SFMBT1: variants seen among roughly 807,000 people sequenced by gnomAD.
The protein encoded by SFMBT1 is scm-like with four MBT domains protein 1.
In SFMBT1, 32 loss-of-function variants were observed where a neutral mutation model predicts 108.7. That is an observed-to-expected ratio of 0.29 (90% CI 0.22 to 0.40). SFMBT1 has a LOEUF of 0.40. Among genes scored for constraint, SFMBT1 ranks in the 10% least tolerant of loss-of-function variants. SFMBT1 has a pLI of 1.00. For missense variants in SFMBT1, 816 were observed against 1,059.6 expected (o/e 0.77, Z 3.19); for synonymous variants, 348 against 369.5 (o/e 0.94, Z 0.67).
chr3:53,015,555 G>C (rs1003122548), intron 1 of SFMBT1, among the ~76,000 whole-genome samples: 1 of 152,120 alleles, frequency 6.6e-6, no homozygotes, highest in Admixed American at 6.6e-5. Flanking sequence ...CTGATGAGTA[G>C]ATAAATAAGA....
chr3:52,945,460 T>C (rs1388436788), intron 3 of SFMBT1, among the ~76,000 whole-genome samples: 1 of 151,000 alleles, frequency 6.6e-6, no homozygotes, highest in African/African-American at 2.4e-5. Flanking sequence ...TTAATAAATA[T>C]TGAAAAAAAA....
At chr3:52,966,336 A>AAAAAAAT (rs1214815068) in intron 2 of SFMBT1, among the ~76,000 whole-genome samples, 1 of 97,758 alleles carries the variant, frequency 1.0e-5, no homozygotes, top group African/African-American at 4.0e-5. Flanking sequence ...AGAAAAAAAA[A>AAAAAAAT]AGGACTAAAG....
rs1232246363 is a variant in SFMBT1, at chr3:52,996,346, G to A, written c.-130-27088C>T. On this transcript the variant is annotated intron_variant, in intron 1 of 20. Coordinates refer to ENST00000394752, the MANE Select transcript of SFMBT1 (RefSeq NM_016329.4). Reference sequence around the variant, plus strand: ...CCTGCCTCAGACCTGCCAAGTAGCTGGGACTACAGGCGCACGCCACCACAC... The same window carrying A: ...CCTGCCTCAGACCTGCCAAGTAGCTAGGACTACAGGCGCACGCCACCACAC... Among the ~76,000 whole-genome samples, 4 of 147,264 alleles carry A rather than the reference G, an allele frequency of 2.7e-5. 1 individual carries two copies. Among genetic ancestry groups the A allele is most frequent in the South Asian group, 4.3e-4 (2 of 4,640 alleles).
intron 1 of SFMBT1, among the ~76,000 whole-genome samples, chr3:52,973,003 C>G (rs924312322): frequency 6.6e-6 from 1 of 152,114 alleles, no homozygotes; most frequent in African/African-American, 2.4e-5. Flanking sequence ...GCATGGGTGA[C>G]AGAGCGAGAC....
intron 1 of SFMBT1, among the ~76,000 whole-genome samples, chr3:53,001,966 CACACACAT>C (rs1168915230): frequency 9.6e-5 from 14 of 146,028 alleles, no homozygotes; most frequent in South Asian, 9.0e-4. Flanking sequence ...CACACACACA[CACACACAT>C]AAATGAAAGA....
At chr3:52,929,303 A>C (rs1392791943) in intron 8 of SFMBT1, among the ~76,000 whole-genome samples, 1 of 152,114 alleles carries the variant, frequency 6.6e-6, no homozygotes, top group Non-Finnish European at 1.5e-5. Context: ...GCAATGGCAC[A>C]ATCTTGGCTC....
At chr3:52,927,954 T>A (rs1559513485) in intron 9 of SFMBT1, among the ~76,000 whole-genome samples, 1 of 152,194 alleles carries the variant, frequency 6.6e-6, no homozygotes, top group Non-Finnish European at 1.5e-5. Flanking sequence ...GACATAGATA[T>A]CAAAGTCAGA....
intron 2 of SFMBT1, among the ~76,000 whole-genome samples, chr3:52,958,299 C>T (rs1703846563): frequency 6.6e-6 from 1 of 152,052 alleles, no homozygotes; most frequent in African/African-American, 2.4e-5. Context: ...TATTAAAAAG[C>T]CAAGAAACAG....
At chr3:52,940,050 T>G (rs1703134184) in intron 4 of SFMBT1, among the ~76,000 whole-genome samples, 1 of 152,222 alleles carries the variant, frequency 6.6e-6, no homozygotes, top group Non-Finnish European at 1.5e-5. Flanking sequence ...GTTTCTACTC[T>G]TTTTTCACTG....
intron 1 of SFMBT1, among the ~76,000 whole-genome samples, chr3:52,975,693 C>G (rs184661467): frequency 2.5e-4 from 38 of 152,270 alleles, no homozygotes; most frequent in Admixed American, 7.2e-4. Flanking sequence ...CCTCCACCTC[C>G]CAGGCTCAAG....
At chr3:53,003,772 A>AAAAAAAAAAAAAG (rs1553642493) in intron 1 of SFMBT1, among the ~76,000 whole-genome samples, 3 of 142,988 alleles carry the variant, frequency 2.1e-5, no homozygotes, top group African/African-American at 2.5e-5. Context: ...AAAAAAAAAA[A>AAAAAAAAAAAAAG]AAAGAAAAGA....
chr3:53,021,617 T>C (rs1230785703), intron 1 of SFMBT1, among the ~76,000 whole-genome samples: 2 of 152,176 alleles, frequency 1.3e-5, no homozygotes, highest in East Asian at 1.9e-4. Flanking sequence ...ATAAGTCTTA[T>C]GACCTAAGGC....
chr3:53,005,840 G>C (rs1332395803), intron 1 of SFMBT1, among the ~76,000 whole-genome samples: 1 of 152,174 alleles, frequency 6.6e-6, no homozygotes, highest in Non-Finnish European at 1.5e-5. Flanking sequence ...TCAGCCAATT[G>C]TAAGACAGAG....
intron 1 of SFMBT1, among the ~76,000 whole-genome samples, chr3:53,040,967 A>ATTT (rs1559560284): frequency 6.9e-5 from 5 of 72,832 alleles, no homozygotes; most frequent in Non-Finnish European, 1.5e-4. Context: ...AAGACACCTG[A>ATTT]ATTTTTTTTT....
At chr3:52,921,991 T>G (rs898357130) in intron 10 of SFMBT1, among the ~76,000 whole-genome samples, 160 bp from the exon 11 acceptor site, 11 of 152,202 alleles carry the variant, frequency 7.2e-5, no homozygotes, top group African/African-American at 2.7e-4. Flanking sequence ...GGAAAATGTC[T>G]GCCTTTCCTG....
chr3:52,941,917 G>A (rs565826995), intron 4 of SFMBT1, among the ~76,000 whole-genome samples: 5 of 151,944 alleles, frequency 3.3e-5, no homozygotes, highest in Non-Finnish European at 5.9e-5. Flanking sequence ...AAAATAGAAC[G>A]AAATTATCTT....
intron 1 of SFMBT1, among the ~76,000 whole-genome samples, chr3:52,998,074 A>T (rs969686070): frequency 6.6e-6 from 1 of 150,702 alleles, no homozygotes; most frequent in Admixed American, 6.7e-5. Context: ...TACAGCATGT[A>T]TAACAATGGG....
intron 1 of SFMBT1, among the ~76,000 whole-genome samples, chr3:52,974,330 T>C (rs1490865684): frequency 1.3e-5 from 2 of 152,184 alleles, no homozygotes; most frequent in African/African-American, 2.4e-5. Flanking sequence ...GATGCTCCAT[T>C]TTCAGCAGAT....
At chr3:53,017,561 G>A (rs17304694) in intron 1 of SFMBT1, among the ~76,000 whole-genome samples, 42,861 of 151,984 alleles carry the variant, frequency 0.28, 6,697 homozygotes, top group Middle Eastern at 0.42. Context: ...AGTTAGTAAA[G>A]GAAACCTTCC....
Sources: gnomAD v4.1 joint callset for allele counts (sites outside exome capture counted in the v4.1 genomes callset) on GRCh38, gnomAD v4.1.1 for gene constraint, MANE v1.5 for transcripts, NCBI Gene and HGNC (gene_info 2026-07-23, HGNC 2026-07-21) for gene names.